Variants in TRIO observed in about 807,000 individuals in gnomAD.
TRIO encodes trio Rho guanine nucleotide exchange factor.
A neutral mutation model predicts 351.9 loss-of-function variants in TRIO; 58 were observed. The ratio of observed to expected loss-of-function variants is 0.16; its 90% confidence interval spans 0.13 to 0.21. The LOEUF (loss-of-function observed/expected upper bound fraction) is 0.21. TRIO is among the 10% of genes least tolerant of loss of function. TRIO has a pLI of 1.00. For synonymous variants in TRIO, 1,758 were observed against 1,595.7 expected (o/e 1.10, Z -2.42); for missense variants, 3,201 against 4,027.8 (o/e 0.79, Z 5.56).
intron 1 of TRIO, among the ~76,000 whole-genome samples, chr5:14,199,950 A>G (rs1433641458): frequency 2.0e-5 from 3 of 152,182 alleles, no homozygotes; most frequent in Non-Finnish European, 4.4e-5. Context: ...AGCATTCTCT[A>G]TGTGGAGTGT....
intron 1 of TRIO, among the ~76,000 whole-genome samples, chr5:14,155,267 T>C (rs575575529): frequency 3.2e-4 from 48 of 152,356 alleles, no homozygotes; most frequent in African/African-American, 1.2e-3. Flanking sequence ...TTACATGTTA[T>C]CTTGTTTCTG....
At chr5:14,475,576 C>A (rs1372724097) in intron 40 of TRIO, among the ~76,000 whole-genome samples, 6 of 152,186 alleles carry the variant, frequency 3.9e-5, no homozygotes, top group Non-Finnish European at 8.8e-5. Context: ...ATTTTCATAT[C>A]CCCTGTGATG....
intron 53 of TRIO, 32 bp downstream of exon 53, chr5:14,498,672 C>T (rs1757068717): frequency 6.2e-7 from 1 of 1,600,636 alleles, no homozygotes; most frequent in African/African-American, 1.3e-5. Flanking sequence ...TTCTACGTGA[C>T]CCAGTGGGGC....
chr5:14,380,904 C>T (rs114262470), intron 20 of TRIO, among the ~76,000 whole-genome samples: 9 of 152,252 alleles, frequency 5.9e-5, no homozygotes, highest in South Asian at 2.1e-4. Flanking sequence ...TTTATTGTTG[C>T]GACATAAGTG....
At chr5:14,506,326 C>T (rs911158690) in intron 55 of TRIO, among the ~76,000 whole-genome samples, 12 of 152,226 alleles carry the variant, frequency 7.9e-5, no homozygotes, top group Non-Finnish European at 1.3e-4. Flanking sequence ...TTCTCACCGG[C>T]GACTCCCCAT....
chr5:14,477,218 C>T, intron 41 of TRIO: 2 of 410,998 alleles, frequency 4.9e-6, no homozygotes, highest in South Asian at 8.8e-5. Context: ...CAGAGCCAGG[C>T]CTGAACAGTA....
intron 1 of TRIO, among the ~76,000 whole-genome samples, chr5:14,207,199 G>C (rs995762232): frequency 1.8e-4 from 27 of 151,826 alleles, no homozygotes; most frequent in African/African-American, 5.3e-4. Flanking sequence ...AGAGGCTGAG[G>C]TGGGAGGTTG....
At chr5:14,252,287 TC>T (rs2152248803) in intron 1 of TRIO, among the ~76,000 whole-genome samples, 1 of 150,794 alleles carries the variant, frequency 6.6e-6, no homozygotes, top group East Asian at 1.9e-4. Flanking sequence ...TTGCTCACTC[TC>T]TATCCAGCTG....
rs2126581898 is a variant in TRIO at position 14,477,029 on chromosome 5, A to G, written c.6153+66A>G. On this transcript the variant is annotated intron_variant, in intron 41 of 56. Transcript: ENST00000344204. ...TCATCCTTAGTCACTGGTTTGTCAG[A>G]TTAAAGGAGAACTCACTTATACTTT... 4 of 1,417,774 alleles carry G rather than the reference A, an allele frequency of 2.8e-6. No individual in the cohort carries two copies. The East Asian group carries it at 9.2e-5, about 32-fold the overall frequency. 87.8% of individuals were successfully genotyped at this position (1,417,774 alleles called of 1,614,324 possible).
chr5:14,355,072 C>CA (rs147310514), intron 11 of TRIO, among the ~76,000 whole-genome samples: 3,284 of 152,292 alleles, frequency 0.022, 111 homozygotes, highest in African/African-American at 0.075. Flanking sequence ...CCGTGCGACT[C>CA]AAAGGGTTTG....
chr5:14,144,085 C>T (rs552309654), intron 1 of TRIO, among the ~76,000 whole-genome samples: 1 of 152,020 alleles, frequency 6.6e-6, no homozygotes, highest in African/African-American at 2.4e-5. Context: ...CCCGCGCAGC[C>T]GGGCGCGCGG....
intron 1 of TRIO, among the ~76,000 whole-genome samples, chr5:14,164,084 A>C (rs992908132): frequency 6.6e-6 from 1 of 152,228 alleles, no homozygotes; most frequent in Non-Finnish European, 1.5e-5. Flanking sequence ...GCCACTCAGC[A>C]GTGGGACAGA....
intron 34 of TRIO, among the ~76,000 whole-genome samples, chr5:14,424,203 A>G (rs932246347): frequency 2.6e-5 from 4 of 152,116 alleles, no homozygotes; most frequent in Non-Finnish European, 5.9e-5. Context: ...CAGCTCTGAC[A>G]TTCTGAGTTC....
chr5:14,414,990 C>T (rs898283326), intron 33 of TRIO, among the ~76,000 whole-genome samples: 1 of 152,162 alleles, frequency 6.6e-6, no homozygotes, highest in African/African-American at 2.4e-5. Flanking sequence ...CTAGCAATAG[C>T]ACTGTACTCT....
At chr5:14,486,184 G>A (rs1014614073) in intron 47 of TRIO, among the ~76,000 whole-genome samples, 5 of 152,312 alleles carry the variant, frequency 3.3e-5, no homozygotes, top group Admixed American at 6.5e-5. Context: ...AATTCAGTCC[G>A]AAGCTATGTG....
At chr5:14,501,825 C>T (rs979133981) in intron 53 of TRIO, among the ~76,000 whole-genome samples, 16 of 152,244 alleles carry the variant, frequency 1.1e-4, no homozygotes, top group South Asian at 6.2e-4. Flanking sequence ...TGAGTGGGGT[C>T]GGGAGGGCCA....
At chr5:14,423,622 G>T (rs1194960542) in intron 34 of TRIO, among the ~76,000 whole-genome samples, 1 of 152,206 alleles carries the variant, frequency 6.6e-6, no homozygotes, top group East Asian at 1.9e-4. Flanking sequence ...TTTAGCTCCA[G>T]TGTGATCGGA....
At chr5:14,325,598 T>A (rs1740310304) in intron 9 of TRIO, among the ~76,000 whole-genome samples, 1 of 152,172 alleles carries the variant, frequency 6.6e-6, no homozygotes, top group South Asian at 2.1e-4. Flanking sequence ...GCCCCACTTC[T>A]GACACTGGAT....
intron 40 of TRIO, among the ~76,000 whole-genome samples, chr5:14,476,648 G>A (rs1312231282): frequency 6.6e-6 from 1 of 152,038 alleles, no homozygotes; most frequent in Non-Finnish European, 1.5e-5. Context: ...CAAAAAATTA[G>A]CTAGGCATAG....
Sources: allele counts gnomAD v4.1 joint callset (sites outside exome capture counted in the v4.1 genomes callset), GRCh38; gene constraint gnomAD v4.1.1; transcripts MANE v1.5; gene names NCBI Gene and HGNC (gene_info 2026-07-23, HGNC 2026-07-21).